Variants in CEMIP observed in about 807,000 individuals in gnomAD.
CEMIP encodes cell migration inducing hyaluronidase 1, also known as cell migration-inducing and hyaluronan-binding protein.
Under a neutral mutation model 156.9 loss-of-function variants are expected in CEMIP, and 105 were observed. That is an observed-to-expected ratio of 0.67 (90% confidence interval 0.57 to 0.79). CEMIP has a LOEUF of 0.79. Among genes scored for constraint, CEMIP ranks in the 30% least tolerant of loss-of-function variants. The probability of loss-of-function intolerance (pLI) is 0.00; values close to 1 mark genes in which losing one functional copy is unlikely to be tolerated. For missense variants in CEMIP, 1,457 were observed against 1,769.4 expected, an observed-to-expected ratio of 0.82 and a Z score of 3.17; for synonymous variants, 676 against 668.4, an observed-to-expected ratio of 1.01 and a Z score of -0.17.
intron 1 of CEMIP, among the ~76,000 whole-genome samples, chr15:80,796,069 T>C (rs1896215908): frequency 1.3e-5 from 2 of 152,224 alleles, no homozygotes; most frequent in Admixed American, 6.5e-5. Flanking sequence ...TTCCCATAAC[T>C]TTAAACTTTA....
rs79283020 is a variant in CEMIP at position 80,890,254 on chromosome 15, T to A, written c.1086+662T>A. 4.6e-3 allele frequency among the ~76,000 whole-genome samples: 701 copies of A among 152,152 alleles called. 5 individuals carry two copies. The highest frequency in any genetic ancestry group is 0.013 in the African/African-American group (532 of 41,482). On this transcript the variant is annotated intron_variant, in intron 10 of 29. Transcript: ENST00000394685. Reference sequence around the variant, plus strand: ...GCCCAGTCTCATTCCAAGACAAGATTTGAGGCTGCTTAAATGCTTGATAGA... The same window carrying A: ...GCCCAGTCTCATTCCAAGACAAGATATGAGGCTGCTTAAATGCTTGATAGA...
At chr15:80,866,592 AAAATAAATAAATAAATAAAT>A (rs3087304) in intron 1 of CEMIP, among the ~76,000 whole-genome samples, 23 of 130,268 alleles carry the variant, frequency 1.8e-4, no homozygotes, top group South Asian at 1.6e-3. Context: ...CTCTGTCTTA[AAAATAAATAAATAAATAAAT>A]AAATAAATAA....
intron 28 of CEMIP, among the ~76,000 whole-genome samples, chr15:80,943,879 A>G (rs1436263639): frequency 6.6e-6 from 1 of 152,186 alleles, no homozygotes; most frequent in Non-Finnish European, 1.5e-5. Flanking sequence ...TCTTAAATGT[A>G]GGGAAAACCT....
chr15:80,936,681 T>C lies in CEMIP; in HGVS notation c.3017T>C (p.Ile1006Thr). The change falls in exon 24 of 30, where the codon ATT becomes ACT. Residue 1006 changes from isoleucine (I) to threonine (T), a missense_variant. Physicochemically the swap from Ile to Thr is moderately conservative, Grantham distance 89 (BLOSUM62 -1). This residue lies in a region of CEMIP where 798 missense variants were observed against 980.1 expected (regional missense o/e 0.81). Coordinates refer to ENST00000394685, the MANE Select transcript of CEMIP (RefSeq NM_001293298.2). Reference protein sequence around the residue: ...ICSGCYAQMYIQAYKTSNLRM... With the variant: ...ICSGCYAQMYTQAYKTSNLRM... The stretch of plus-strand genomic sequence containing the variant: ...CTTTTTGGGTTTTAAAAGATGTACA[T>C]TCAAGCCTACAAGACCAGTAACCTG... 6.2e-7 allele frequency: 1 copy of C among 1,613,734 alleles called. No homozygotes were observed. Among genetic ancestry groups the C allele is most frequent in the Non-Finnish European group, 8.5e-7 (1 of 1,179,796 alleles).
intron 19 of CEMIP, among the ~76,000 whole-genome samples, chr15:80,926,783 C>G (rs1050677347): frequency 6.1e-5 from 7 of 114,696 alleles, no homozygotes; most frequent in Admixed American, 1.2e-4. Flanking sequence ...GTCAAAAAAG[C>G]AAAACTTAAA....
At chr15:80,791,194 T>C (rs1896072872) in intron 1 of CEMIP, among the ~76,000 whole-genome samples, 1 of 152,002 alleles carries the variant, frequency 6.6e-6, no homozygotes, top group Non-Finnish European at 1.5e-5. Flanking sequence ...GGGCTGTAGA[T>C]CCTTAAAAGC....
At chr15:80,857,247 G>A (rs75846565) in intron 1 of CEMIP, among the ~76,000 whole-genome samples, 1,791 of 152,344 alleles carry the variant, frequency 0.012, 18 homozygotes, top group Non-Finnish European at 0.016. Flanking sequence ...TCTCTGAACT[G>A]CTGCCAGGCC....
chr15:80,876,071 T>C (rs923620759), intron 3 of CEMIP, among the ~76,000 whole-genome samples: 33 of 152,236 alleles, frequency 2.2e-4, no homozygotes, highest in Non-Finnish European at 4.4e-5. Context: ...TGCAAGGCTT[T>C]GCCCAGTGGA....
intron 1 of CEMIP, among the ~76,000 whole-genome samples, chr15:80,792,741 C>T (rs1896113292): frequency 1.3e-5 from 2 of 152,140 alleles, no homozygotes; most frequent in African/African-American, 2.4e-5. Flanking sequence ...GGTCCTAGAA[C>T]AAGAATCTGA....
At chr15:80,791,914 T>C (rs1167716441) in intron 1 of CEMIP, among the ~76,000 whole-genome samples, 2 of 152,172 alleles carry the variant, frequency 1.3e-5, no homozygotes, top group Non-Finnish European at 2.9e-5. Flanking sequence ...CAGCTCAAAT[T>C]TCCTCAAAGC....
intron 1 of CEMIP, among the ~76,000 whole-genome samples, chr15:80,853,692 C>A (rs866606420): frequency 6.6e-6 from 1 of 152,182 alleles, no homozygotes; most frequent in Non-Finnish European, 1.5e-5. Flanking sequence ...GCTCTAAGGG[C>A]GAGCATTGTT....
At chr15:80,936,341 C>T (rs1195637613) in intron 23 of CEMIP, among the ~76,000 whole-genome samples, 1 of 152,202 alleles carries the variant, frequency 6.6e-6, no homozygotes, top group African/African-American at 2.4e-5. Context: ...TACTCCCTTC[C>T]TCCTCCGTCC....
chr15:80,836,342 T>C (rs1897269994), intron 1 of CEMIP, among the ~76,000 whole-genome samples: 1 of 152,176 alleles, frequency 6.6e-6, no homozygotes, highest in Admixed American at 6.5e-5. Context: ...GGCAGAAAAA[T>C]GCCTTCCTCT....
intron 1 of CEMIP, among the ~76,000 whole-genome samples, chr15:80,854,190 CT>C (rs1420734826): frequency 1.3e-5 from 2 of 152,234 alleles, no homozygotes; most frequent in Admixed American, 6.5e-5. Flanking sequence ...CAAGGAATAA[CT>C]TTTTCCAACT....
At chr15:80,933,120 G>C (rs376882491) in intron 22 of CEMIP, 125 bp from the exon 23 acceptor site, 4 of 836,428 alleles carry the variant, frequency 4.8e-6, no homozygotes, top group Non-Finnish European at 7.9e-6. Flanking sequence ...CTCAGTGCCC[G>C]AGAGCATCTT....
At chr15:80,857,829 G>A (rs920265217) in intron 1 of CEMIP, among the ~76,000 whole-genome samples, 3 of 152,216 alleles carry the variant, frequency 2.0e-5, no homozygotes, top group Admixed American at 6.5e-5. Context: ...ATGCTACAAA[G>A]GGTATTGAGG....
intron 3 of CEMIP, among the ~76,000 whole-genome samples, chr15:80,877,309 A>C (rs1898508822): frequency 6.6e-6 from 1 of 152,048 alleles, no homozygotes; most frequent in African/African-American, 2.4e-5. Context: ...TGCTCAAGAG[A>C]CACAGCCTCT....
At chr15:80,811,726 T>C (rs1175897212) in intron 1 of CEMIP, among the ~76,000 whole-genome samples, 2 of 152,080 alleles carry the variant, frequency 1.3e-5, no homozygotes, top group South Asian at 2.1e-4. Flanking sequence ...GCCTAATGTT[T>C]TCTATGTCTT....
rs184035683 is a variant in CEMIP, at chr15:80,884,134, C to A, written c.618-41C>A. ...TGCTTAGAGCTCTTTGTTTTGGCTG[C>A]GGTCAAGACTATTCAGATCTCTTCT... On this transcript the variant is annotated intron_variant, in intron 6 of 29. Transcript: ENST00000394685. The A allele has an allele frequency of 1.5e-5, 24 of 1,601,460 alleles. No individual in the cohort carries two copies. The South Asian group carries it at 2.5e-4, about 17-fold the overall frequency.
Sources: gnomAD v4.1 joint callset for allele counts (sites outside exome capture counted in the v4.1 genomes callset) on GRCh38, gnomAD v4.1.1 for gene constraint, gnomAD v4.1.1 regional missense constraint, MANE v1.5 for transcripts, NCBI Gene and HGNC (gene_info 2026-07-23, HGNC 2026-07-21) for gene names.